PLCB1: variants seen among roughly 807,000 people sequenced by gnomAD.
The protein encoded by PLCB1 is 1-phosphatidylinositol 4,5-bisphosphate phosphodiesterase beta-1.
A neutral mutation model predicts 161.8 loss-of-function variants in PLCB1; 46 were observed. The observed-to-expected ratio is 0.28, with a 90% confidence interval of 0.22 to 0.36. PLCB1 has a LOEUF of 0.36. Among genes scored for constraint, PLCB1 ranks in the 10% least tolerant of loss-of-function variants. The probability of loss-of-function intolerance (pLI) is 1.00; values close to 1 mark genes in which losing one functional copy is unlikely to be tolerated. For missense variants in PLCB1, 1,016 were observed against 1,472.5 expected, an observed-to-expected ratio of 0.69 and a Z score of 5.07; for synonymous variants, 517 against 503.7, an observed-to-expected ratio of 1.03 and a Z score of -0.35.
chr20:8,270,912 C>G (rs1032244529), intron 2 of PLCB1, among the ~76,000 whole-genome samples: 2 of 152,130 alleles, frequency 1.3e-5, no homozygotes, highest in African/African-American at 4.8e-5. Flanking sequence ...TAATTGGCCT[C>G]AATCCCATCT....
intron 1 of PLCB1, among the ~76,000 whole-genome samples, chr20:8,134,576 T>A (rs2051325882): frequency 6.6e-6 from 1 of 152,190 alleles, no homozygotes; most frequent in South Asian, 2.1e-4. Flanking sequence ...TGCTCACCTA[T>A]TACTGCCAAT....
At chr20:8,466,390 G>A (rs1294883409) in intron 3 of PLCB1, among the ~76,000 whole-genome samples, 1 of 150,884 alleles carries the variant, frequency 6.6e-6, no homozygotes, top group African/African-American at 2.4e-5. Flanking sequence ...GAGTTAGTGG[G>A]TGCAGCGCAC....
intron 19 of PLCB1, among the ~76,000 whole-genome samples, chr20:8,735,132 A>G (rs1417321319): frequency 1.3e-5 from 2 of 152,248 alleles, no homozygotes; most frequent in Admixed American, 6.5e-5. Context: ...CATAAGCTCC[A>G]TGTACTGATA....
rs181023682 is a variant in PLCB1 at position 8,168,399 on chromosome 20, G to A, written c.177+18028G>A. Among the ~76,000 whole-genome samples, 341 of 152,210 alleles carry A rather than the reference G, an allele frequency of 2.2e-3. 3 individuals carry two copies. Among genetic ancestry groups the A allele is most frequent in the Non-Finnish European group, 1.1e-3 (76 of 68,016 alleles). On this transcript the variant is annotated intron_variant, in intron 2 of 31. Coordinates refer to ENST00000338037, the MANE Select transcript of PLCB1 (RefSeq NM_015192.4). ...AAGGCAATATGAAGTACCCCACCTG[G>A]ACAATTGTGTTAATTATATATGCCC... is the stretch of plus-strand genomic sequence containing the variant.
chr20:8,751,102 A>ATTT (rs368948762), intron 23 of PLCB1: 2,956 of 186,552 alleles, frequency 0.016, 6 homozygotes, highest in South Asian at 0.038. Flanking sequence ...AGCCCGGCTA[A>ATTT]TTTTTTTTTT....
chr20:8,459,564 G>A (rs1981477511), intron 3 of PLCB1, among the ~76,000 whole-genome samples: 1 of 152,150 alleles, frequency 6.6e-6, no homozygotes, highest in Admixed American at 6.6e-5. Flanking sequence ...ATAATTAAAT[G>A]TGCCTGATGT....
chr20:8,484,740 C>T (rs1420167622), intron 3 of PLCB1, among the ~76,000 whole-genome samples: 1 of 152,126 alleles, frequency 6.6e-6, no homozygotes, highest in African/African-American at 2.4e-5. Context: ...CTTATAGTCC[C>T]CTTGTGTCAT....
intron 3 of PLCB1, among the ~76,000 whole-genome samples, chr20:8,557,698 A>G (rs773636085): frequency 6.6e-6 from 1 of 151,878 alleles, no homozygotes; most frequent in Non-Finnish European, 1.5e-5. Context: ...TAAAACAGTA[A>G]AGTTGGGCTA....
chr20:8,512,126 G>A (rs1983915791), intron 3 of PLCB1, among the ~76,000 whole-genome samples: 1 of 152,136 alleles, frequency 6.6e-6, no homozygotes, highest in Admixed American at 6.5e-5. Context: ...TTGGATTGGG[G>A]ATTAAGCTAT....
At chr20:8,401,443 T>G (rs930128997) in intron 3 of PLCB1, among the ~76,000 whole-genome samples, 1 of 152,226 alleles carries the variant, frequency 6.6e-6, no homozygotes, top group Non-Finnish European at 1.5e-5. Flanking sequence ...TTTCTTCCAG[T>G]GTTTTTATGA....
intron 27 of PLCB1, among the ~76,000 whole-genome samples, chr20:8,780,381 G>C (rs918222393): frequency 6.6e-6 from 1 of 152,044 alleles, no homozygotes; most frequent in Non-Finnish European, 1.5e-5. Flanking sequence ...CCTTTTTAGC[G>C]GCTTTACAAA....
At chr20:8,160,657 T>A (rs1207073593) in intron 2 of PLCB1, among the ~76,000 whole-genome samples, 1 of 152,028 alleles carries the variant, frequency 6.6e-6, no homozygotes, top group African/African-American at 2.4e-5. Context: ...TTCCATTACC[T>A]CCCACCAGGT....
intron 3 of PLCB1, among the ~76,000 whole-genome samples, chr20:8,586,602 A>G (rs1482433973): frequency 6.6e-6 from 1 of 152,184 alleles, no homozygotes; most frequent in African/African-American, 2.4e-5. Context: ...GGATATTCAC[A>G]GTGACAAGTA....
chr20:8,522,900 C>A (rs1984408328), intron 3 of PLCB1, among the ~76,000 whole-genome samples: 1 of 152,056 alleles, frequency 6.6e-6, no homozygotes, highest in African/African-American at 2.4e-5. Context: ...TGGGATGAGG[C>A]CCCTGCTTCT....
rs1600278693 is a variant in PLCB1 at position 8,273,249 on chromosome 20, T to C, written c.178-98133T>C. Among the ~76,000 whole-genome samples, 4 of 152,164 alleles carry C rather than the reference T, an allele frequency of 2.6e-5. No individual in the cohort carries two copies. The East Asian group carries it at 7.7e-4, about 29-fold the overall frequency. ...ATTTAAAGGCTTTCAGCCTACCAAA[T>C]CTTGCATGTATGTAACCGTCATTTT... On this transcript the variant is annotated intron_variant, in intron 2 of 31. Coordinates refer to ENST00000338037, the MANE Select transcript of PLCB1 (RefSeq NM_015192.4).
At chr20:8,738,559 A>T (rs990317663) in intron 20 of PLCB1, among the ~76,000 whole-genome samples, 1 of 152,122 alleles carries the variant, frequency 6.6e-6, no homozygotes, top group East Asian at 1.9e-4. Flanking sequence ...ATAATAATAA[A>T]AATTAAAACA....
chr20:8,301,128 C>T (rs1380763973), intron 2 of PLCB1, among the ~76,000 whole-genome samples: 1 of 152,132 alleles, frequency 6.6e-6, no homozygotes, highest in Non-Finnish European at 1.5e-5. Flanking sequence ...GTCAAAGCAG[C>T]TGGAGAAACT....
intron 9 of PLCB1, among the ~76,000 whole-genome samples, chr20:8,669,664 C>T (rs1468282058): frequency 1.3e-5 from 2 of 152,150 alleles, no homozygotes; most frequent in East Asian, 1.9e-4. Context: ...GTAGTCAGTA[C>T]AGTGGGGAAG....
At chr20:8,501,840 AT>A (rs144778557) in intron 3 of PLCB1, among the ~76,000 whole-genome samples, 4,141 of 138,840 alleles carry the variant, frequency 0.03, 259 homozygotes, top group African/African-American at 0.11. Flanking sequence ...GTATGCCACT[AT>A]TTTTTTTAAA....
Sources: allele counts gnomAD v4.1 joint callset (sites outside exome capture counted in the v4.1 genomes callset), GRCh38; gene constraint gnomAD v4.1.1; transcripts MANE v1.5; gene names NCBI Gene and HGNC (gene_info 2026-07-23, HGNC 2026-07-21).